LRRC42: variants seen among roughly 807,000 people sequenced by gnomAD.
The protein encoded by LRRC42 is leucine-rich repeat-containing protein 42.
In LRRC42, 43 loss-of-function variants were observed where a neutral mutation model predicts 44.3. That is an observed-to-expected ratio of 0.97 (90% confidence interval 0.76 to 1.25). LRRC42 has a LOEUF of 1.25. Ranked by LOEUF, LRRC42 falls within the 50% of genes most tolerant of loss-of-function variation. The pLI is 0.00. For missense variants in LRRC42, 540 were observed against 509.1 expected (o/e 1.06, Z -0.58); for synonymous variants, 207 against 195.2 (o/e 1.06, Z -0.50).
At chr1:53,948,300 A>G (rs1004822713) in intron 2 of LRRC42, among the ~76,000 whole-genome samples, 1 of 152,182 alleles carries the variant, frequency 6.6e-6, no homozygotes, top group Non-Finnish European at 1.5e-5. Flanking sequence ...AGTCCACCTG[A>G]CTGGCATAGT....
intron 8 of LRRC42, among the ~76,000 whole-genome samples, chr1:53,966,858 T>C (rs1177467510): frequency 6.6e-6 from 1 of 152,130 alleles, no homozygotes; most frequent in East Asian, 1.9e-4. Flanking sequence ...ATTGTGTGAT[T>C]GTTCTTGTAT....
At chr1:53,950,146 C>T (rs950631873) in intron 2 of LRRC42, among the ~76,000 whole-genome samples, 5 of 152,122 alleles carry the variant, frequency 3.3e-5, no homozygotes, top group Admixed American at 6.6e-5. Flanking sequence ...CAGACAGGCA[C>T]GTACTGGTGC....
intron 1 of LRRC42, among the ~76,000 whole-genome samples, chr1:53,946,895 G>A (rs1356719282): frequency 1.3e-5 from 2 of 149,704 alleles, no homozygotes; most frequent in Non-Finnish European, 3.0e-5. Context: ...GAGGAAACGA[G>A]ATAGGATAGG....
chr1:53,953,564 T>C (rs1009199872), intron 3 of LRRC42, among the ~76,000 whole-genome samples: 1 of 152,124 alleles, frequency 6.6e-6, no homozygotes, highest in African/African-American at 2.4e-5. Context: ...TTTCACCATG[T>C]TGGCCAGGAT....
intron 3 of LRRC42, among the ~76,000 whole-genome samples, chr1:53,955,321 A>C (rs953069148): frequency 1.3e-5 from 2 of 152,062 alleles, no homozygotes; most frequent in Non-Finnish European, 2.9e-5. Context: ...TTCTGAGACA[A>C]GGTTTCACTC....
chr1:53,950,072 A>G (rs537520446), intron 2 of LRRC42, among the ~76,000 whole-genome samples: 1 of 152,380 alleles, frequency 6.6e-6, no homozygotes, highest in South Asian at 2.1e-4. Context: ...TACATTAACA[A>G]GTGAACAGAC....
intron 8 of LRRC42, among the ~76,000 whole-genome samples, chr1:53,967,452 G>T (rs970701581): frequency 6.6e-6 from 1 of 152,132 alleles, no homozygotes; most frequent in Non-Finnish European, 1.5e-5. Flanking sequence ...GCAGATCTAG[G>T]ATTTAAATCC....
At chr1:53,959,570 A>G (rs1197896557) in intron 4 of LRRC42, among the ~76,000 whole-genome samples, 2 of 152,258 alleles carry the variant, frequency 1.3e-5, no homozygotes, top group Non-Finnish European at 2.9e-5. Context: ...GAGCATATTA[A>G]TATACCAATT....
At position 53,967,772 on chromosome 1, in the gene LRRC42, C is replaced by T. The variant is rs1472732456; in HGVS notation, c.1120C>T (p.His374Tyr). The T allele has an allele frequency of 6.2e-7, 1 of 1,614,038 alleles. No homozygotes were observed. The highest frequency in any genetic ancestry group is 1.3e-5 in the African/African-American group (1 of 74,900). Residue 374 changes from histidine (H) to tyrosine (Y), a missense_variant, in exon 9 of 9, where the codon CAT becomes TAT. His to Tyr is a moderately conservative substitution (Grantham distance 83). Coordinates refer to ENST00000371370, the MANE Select transcript of LRRC42 (RefSeq NM_001256409.2). ...QFYKEKAPDCHGPVLKHEAIS... is the reference protein window; with the variant it reads ...QFYKEKAPDCYGPVLKHEAIS... ...CTATAAAGAGAAAGCCCCAGATTGC[C>T]ATGGGCCAGTGTTGAAACACGAAGC...
Position 53,952,272 on chromosome 1 carries a change from C to G in LRRC42, c.273C>G (p.Ser91Arg). The G allele has an allele frequency of 1.2e-6, 2 of 1,614,232 alleles. No individual in the cohort carries two copies. Among genetic ancestry groups the G allele is most frequent in the Non-Finnish European group, 1.7e-6 (2 of 1,180,040 alleles). ...GGTACTCCGCCAAATCCCTCTTCAGCCTTGTCCTGGGTTTCATCTCCGACA... is the reference window on the plus strand; with the variant it reads ...GGTACTCCGCCAAATCCCTCTTCAGGCTTGTCCTGGGTTTCATCTCCGACA... ...NLRYSAKSLF[S>R]LVLGFISDNV... Residue 91 changes from serine to arginine, a missense_variant, in exon 3 of 9, where the codon AGC becomes AGG. By Grantham distance (110) the Ser-to-Arg change is moderately radical. Coordinates refer to ENST00000371370, the MANE Select transcript of LRRC42 (RefSeq NM_001256409.2).
intron 2 of LRRC42, among the ~76,000 whole-genome samples, chr1:53,951,063 CAAG>C (rs1322270344): frequency 6.6e-6 from 1 of 152,158 alleles, no homozygotes; most frequent in Non-Finnish European, 1.5e-5. Context: ...TTCCTTTTCT[CAAG>C]GAGCCCAAAG....
At chr1:53,946,641 G>C (rs2100909597) in intron 1 of LRRC42, 92 bp downstream of exon 1, 2 of 151,780 alleles carry the variant, frequency 1.3e-5, no homozygotes, top group East Asian at 3.9e-4. Context: ...GGGTGGGGGA[G>C]GGGACGCCCC....
rs1281927150 is a variant in LRRC42 at position 53,958,241 on chromosome 1, A to G, written c.566A>G (p.His189Arg). ...DLSCCKLGDE[H>R]ELLEHLTNEA... ...TCCTGTTGCAAGCTTGGAGATGAGC[A>G]TGAACTTCTAGAACATCTCACCAAT... Residue 189 changes from histidine to arginine, a missense_variant, in exon 4 of 9, where the codon CAT becomes CGT. Coordinates refer to ENST00000371370, the MANE Select transcript of LRRC42 (RefSeq NM_001256409.2). The G allele has an allele frequency of 1.9e-6, 3 of 1,613,900 alleles. No homozygotes were observed. Among genetic ancestry groups the G allele is most frequent in the Admixed American group, 1.7e-5 (1 of 60,024 alleles).
In LRRC42 at chr1:53,962,920, A is replaced by G. The variant is rs558510801; in HGVS notation, c.927+511A>G. 3.3e-5 allele frequency among the ~76,000 whole-genome samples: 5 copies of G among 152,050 alleles called. No homozygotes were observed. The South Asian group carries it at 1.0e-3, about 32-fold the overall frequency. On this transcript the variant is annotated intron_variant, in intron 7 of 8. Transcript: ENST00000371370. ...TTAACAGTGAGAGAACTTTACTTTG[A>G]CTTCCTTTTGTCTTGATGGTCTTTC...
chr1:53,962,315 A>G lies in LRRC42; in HGVS notation c.833A>G (p.His278Arg). Residue 278 changes from histidine (H) to arginine (R), a missense_variant, in exon 7 of 9, where the codon CAC becomes CGC. Transcript: ENST00000371370. Reference protein sequence around the residue: ...TGLKDIKTVKHKLQTHIGLVH... With the variant: ...TGLKDIKTVKRKLQTHIGLVH... Reference sequence around the variant, plus strand: ...CACTAGGACATCAAAACCGTCAAGCACAAGCTCCAGACCCACATAGGCCTT... The same window carrying G: ...CACTAGGACATCAAAACCGTCAAGCGCAAGCTCCAGACCCACATAGGCCTT... 4.3e-6 allele frequency: 7 copies of G among 1,614,034 alleles called. No homozygotes were observed. The highest frequency in any genetic ancestry group is 5.9e-6 in the Non-Finnish European group (7 of 1,179,858).
At chr1:53,955,705 T>C (rs1448870741) in intron 3 of LRRC42, among the ~76,000 whole-genome samples, 3 of 149,600 alleles carry the variant, frequency 2.0e-5, no homozygotes, top group Non-Finnish European at 4.4e-5. Context: ...CTCAGCTCAC[T>C]GCAAGCTCCA....
rs1197690466 is a variant in LRRC42 at position 53,946,485 on chromosome 1, C to T, written c.-113C>T. Reference sequence around the variant, plus strand: ...GGGTGCTGAGCCCTTCCCCGTCAGCCGGGCCGCGGGAGGAGGGAGCCGTCA... The same window carrying T: ...GGGTGCTGAGCCCTTCCCCGTCAGCTGGGCCGCGGGAGGAGGGAGCCGTCA... On this transcript the variant is annotated 5_prime_UTR_variant, in exon 1 of 9. Coordinates refer to ENST00000371370, the MANE Select transcript of LRRC42 (RefSeq NM_001256409.2). The T allele has an allele frequency of 2.0e-5, 3 of 152,180 alleles. No homozygotes were observed. Among genetic ancestry groups the T allele is most frequent in the Admixed American group, 6.5e-5 (1 of 15,272 alleles). The allele number at this position is 152,180 out of a possible 1,614,324, so 9.4% of individuals were successfully genotyped here.
intron 4 of LRRC42, among the ~76,000 whole-genome samples, chr1:53,958,537 T>C (rs1328376453): frequency 6.6e-6 from 1 of 152,206 alleles, no homozygotes; most frequent in Non-Finnish European, 1.5e-5. Context: ...ATGTAATACT[T>C]GAAGCTACGT....
chr1:53,965,484 CTTTT>C (rs1191040913), intron 7 of LRRC42, among the ~76,000 whole-genome samples: 2 of 140,556 alleles, frequency 1.4e-5, no homozygotes, highest in East Asian at 4.2e-4. Flanking sequence ...TTTTTCTTTT[CTTTT>C]TTTTTTTTTG....
Sources: allele counts gnomAD v4.1 joint callset (sites outside exome capture counted in the v4.1 genomes callset), GRCh38; gene constraint gnomAD v4.1.1; transcripts MANE v1.5; gene names NCBI Gene and HGNC (gene_info 2026-07-23, HGNC 2026-07-21).